CRYBA4: variants seen among roughly 807,000 people sequenced by gnomAD.
CRYBA4 encodes beta-crystallin A4.
In CRYBA4, 30 loss-of-function variants were observed where a neutral mutation model predicts 31.7. That is an observed-to-expected ratio of 0.95 (90% CI 0.71 to 1.28). CRYBA4 has a LOEUF of 1.28. Ranked by LOEUF, CRYBA4 falls within the 50% of genes most tolerant of loss-of-function variation. The pLI is 0.00. For missense variants in CRYBA4, 225 were observed against 260.7 expected (o/e 0.86, Z 0.94); for synonymous variants, 102 against 102.3 (o/e 1.00, Z 0.02).
chr22:26,611,726 G>T, the CRYBA4 span, among the ~76,000 whole-genome samples: 2 of 151,892 alleles, frequency 1.3e-5, no homozygotes, highest in African/African-American at 4.8e-5. Flanking sequence ...CACCCGCCTC[G>T]GCCTCCCAAA....
At chr22:26,615,767 G>A in the CRYBA4 span, among the ~76,000 whole-genome samples, 6 of 152,146 alleles carry the variant, frequency 3.9e-5, no homozygotes, top group African/African-American at 1.2e-4. Flanking sequence ...ACCTGCCTCG[G>A]CCTCCCAAAG....
the CRYBA4 span, among the ~76,000 whole-genome samples, chr22:26,591,694 T>C: frequency 1.4e-5 from 2 of 140,940 alleles, no homozygotes; most frequent in Non-Finnish European, 3.0e-5. Flanking sequence ...TGAGCCAAGA[T>C]CGCACCACTG....
At chr22:26,593,729 T>G in the CRYBA4 span, among the ~76,000 whole-genome samples, 1 of 152,240 alleles carries the variant, frequency 6.6e-6, no homozygotes, top group Middle Eastern at 3.4e-3. Context: ...TTTCTTCATG[T>G]TGGCCAGGCT....
the CRYBA4 span, chr22:26,599,391 A>G: frequency 4.9e-6 from 6 of 1,231,252 alleles, no homozygotes; most frequent in Non-Finnish European, 7.0e-6. Flanking sequence ...GATCCAGGAG[A>G]AATTTTGGCT....
Position 26,630,420 on chromosome 22 carries a change from A to G in CRYBA4, c.524A>G (p.His175Arg). Residue 175 changes from histidine to arginine, a missense_variant, in exon 6 of 6, where the codon CAT becomes CGT. Coordinates refer to ENST00000354760, the MANE Select transcript of CRYBA4 (RefSeq NM_001886.3). Reference sequence around the variant, plus strand: ...GATCACCATTCCGGTGACTACAAACATTTCCGGGAGTGGGGCTCTCATGCC... The same window carrying G: ...GATCACCATTCCGGTGACTACAAACGTTTCCGGGAGTGGGGCTCTCATGCC... The part of the protein sequence containing the change: ...ECDHHSGDYK[H>R]FREWGSHAPT... The G allele has an allele frequency of 6.2e-7, 1 of 1,614,176 alleles. No individual in the cohort carries two copies. The highest frequency in any genetic ancestry group is 8.5e-7 in the Non-Finnish European group (1 of 1,180,030).
chr22:26,613,970 G>A, the CRYBA4 span, among the ~76,000 whole-genome samples: 2 of 152,134 alleles, frequency 1.3e-5, no homozygotes, highest in African/African-American at 2.4e-5. Context: ...TCTTATGGTC[G>A]ACGCTGCAGA....
the CRYBA4 span, among the ~76,000 whole-genome samples, chr22:26,606,750 C>T: frequency 6.6e-6 from 1 of 152,206 alleles, no homozygotes; most frequent in Non-Finnish European, 1.5e-5. Context: ...GCCTCAAATG[C>T]ACATTCATGA....
chr22:26,611,465 T>C, the CRYBA4 span, among the ~76,000 whole-genome samples: 1 of 136,402 alleles, frequency 7.3e-6, no homozygotes, highest in Non-Finnish European at 1.6e-5. Flanking sequence ...TTTTTTTTTT[T>C]TTTGTTTTTT....
upstream of CRYBA4, among the ~76,000 whole-genome samples, chr22:26,620,396 A>G (rs1320616456): frequency 1.3e-5 from 2 of 152,012 alleles, no homozygotes; most frequent in African/African-American, 4.8e-5. Flanking sequence ...TGTTACACCC[A>G]TTTTACACAC....
rs1193606106 is a variant in CRYBA4 at position 26,629,548 on chromosome 22, C to G, written c.444-792C>G. ...CCTGAGGTCAGGAGTTCGAGACCAG[C>G]CTGGCCAACATGGTGAAAGCCCGTC... On this transcript the variant is annotated intron_variant, in intron 5 of 5. Coordinates refer to ENST00000354760, the MANE Select transcript of CRYBA4 (RefSeq NM_001886.3). Among the ~76,000 whole-genome samples the G allele has an allele frequency of 4.0e-5, 6 of 151,746 alleles. No individual in the cohort carries two copies. The East Asian group carries it at 1.2e-3, about 29-fold the overall frequency.
chr22:26,604,107 G>A, the CRYBA4 span, among the ~76,000 whole-genome samples: 2 of 152,038 alleles, frequency 1.3e-5, no homozygotes, highest in African/African-American at 4.8e-5. Context: ...TAGGCCCAAG[G>A]GTTTGAAGAG....
chr22:26,591,043 C>T, the CRYBA4 span, among the ~76,000 whole-genome samples: 2 of 152,162 alleles, frequency 1.3e-5, no homozygotes, highest in Non-Finnish European at 2.9e-5. Flanking sequence ...TCTCTTTTAA[C>T]TTTCTATTTG....
At chr22:26,628,574 G>A in intron 5 of CRYBA4, 144 bp downstream of exon 5, 1 of 987,342 alleles carries the variant, frequency 1.0e-6, no homozygotes, top group Non-Finnish European at 1.5e-6. Flanking sequence ...GGAGGTATCA[G>A]GCAGAATTTG....
the CRYBA4 span, among the ~76,000 whole-genome samples, chr22:26,598,967 G>GA: frequency 5.3e-5 from 8 of 152,220 alleles, no homozygotes; most frequent in Non-Finnish European, 8.8e-5. Flanking sequence ...GTGACCTTGG[G>GA]AAAATCACTT....
At chr22:26,606,296 A>G in the CRYBA4 span, among the ~76,000 whole-genome samples, 1 of 152,224 alleles carries the variant, frequency 6.6e-6, no homozygotes, top group African/African-American at 2.4e-5. Flanking sequence ...ATTTTATTTA[A>G]ACAAATATAC....
At chr22:26,617,996 T>C, upstream of CRYBA4, 1 of 153,566 alleles carries the variant, frequency 6.5e-6, no homozygotes, top group Non-Finnish European at 1.5e-5. Context: ...TGCTACTTCC[T>C]GCTGGAGGAC....
rs1368166292 is a variant in CRYBA4, at chr22:26,622,566, A to G, written c.-12-19A>G. On this transcript the variant is annotated intron_variant, in intron 1 of 5. Coordinates refer to ENST00000354760, the MANE Select transcript of CRYBA4 (RefSeq NM_001886.3). ...CAGAGGGTCAGGGTGGAAGATTATA[A>G]TGTTCTTCTCTTCTGCAGGAAGGGG... 1 of 1,579,624 alleles carries G rather than the reference A, an allele frequency of 6.3e-7. No individual in the cohort carries two copies. Among genetic ancestry groups the G allele is most frequent in the African/African-American group, 1.4e-5 (1 of 73,674 alleles).
chr22:26,628,160 T>C, intron 4 of CRYBA4, 128 bp from the exon 5 acceptor site: 2 of 1,303,334 alleles, frequency 1.5e-6, no homozygotes, highest in Admixed American at 1.8e-5. Flanking sequence ...GTTGCCTTAT[T>C]GCCCTTCCAA....
chr22:26,627,380 C>CTT lies in CRYBA4; in HGVS notation c.301-906_301-905dup, dbSNP rs1361666271. Among the ~76,000 whole-genome samples the CTT allele has an allele frequency of 3.2e-4, 20 of 62,758 alleles. 1 individual carries two copies. Among genetic ancestry groups the CTT allele is most frequent in the Middle Eastern group, 0.01 (1 of 98 alleles). 41.2% of individuals were successfully genotyped at this position (62,758 alleles called of 152,430 possible). On this transcript the variant is annotated intron_variant, in intron 4 of 5. Transcript: ENST00000354760. Reference sequence around the variant, plus strand: ...CCCTCCTTTCTTTCTTTCTTTCTTTCTTTCTTTCTTTCTTTCTTTCTTTCT... The same window carrying CTT: ...CCCTCCTTTCTTTCTTTCTTTCTTTCTTTTTCTTTCTTTCTTTCTTTCTTTCT...
Sources: gnomAD v4.1 joint callset for allele counts (sites outside exome capture counted in the v4.1 genomes callset) on GRCh38, gnomAD v4.1.1 for gene constraint, MANE v1.5 for transcripts, NCBI Gene and HGNC (gene_info 2026-07-23, HGNC 2026-07-21) for gene names.